Variants in XXYLT1 observed in about 807,000 individuals in gnomAD.
XXYLT1 encodes the protein UDP-xylose:alpha-xyloside alpha-1,3-xylosyltransferase.
Under a neutral mutation model 28.9 loss-of-function variants are expected in XXYLT1, and 20 were observed. That is an observed-to-expected ratio of 0.69 (90% confidence interval 0.49 to 1.00). XXYLT1 has a LOEUF of 1.00. XXYLT1 is among the 50% of genes least tolerant of loss of function. XXYLT1 has a pLI of 0.00. For missense variants in XXYLT1, 542 were observed against 560.1 expected, an observed-to-expected ratio of 0.97 and a Z score of 0.33; for synonymous variants, 257 against 253.8, an observed-to-expected ratio of 1.01 and a Z score of -0.12.
At position 195,168,864 on chromosome 3, in the gene XXYLT1, A is replaced by G. The variant is rs1414755965; in HGVS notation, c.653-12283T>C. ...TGAGTGACCAGCAGAAATGCAAGTT[A>G]GTCCCCATCCCCATCACAAAGTCTG... On this transcript the variant is annotated intron_variant, in intron 2 of 3. Transcript: ENST00000310380. The surrounding 1 kb of genome is among the most constrained non-coding windows in gnomAD (Gnocchi z 4.3). 2.0e-5 allele frequency among the ~76,000 whole-genome samples: 3 copies of G among 152,228 alleles called. No individual in the cohort carries two copies. The highest frequency in any genetic ancestry group is 2.0e-4 in the Admixed American group (3 of 15,280).
At position 195,077,668 on chromosome 3, in the gene XXYLT1, GC is replaced by G. The variant is rs1466652228; in HGVS notation, c.786-7558del. Among the ~76,000 whole-genome samples, 5 of 152,174 alleles carry G rather than the reference GC, an allele frequency of 3.3e-5. No homozygotes were observed. The highest frequency in any genetic ancestry group is 5.9e-5 in the Non-Finnish European group (4 of 68,014). ...GGCTGGACGTCGTAGGGGGTGAATG[GC>G]CCTGATGGCAAGGCCTCTGACCTGG... is the stretch of plus-strand genomic sequence containing the variant. On this transcript the variant is annotated intron_variant, in intron 3 of 3. Coordinates refer to ENST00000310380, the MANE Select transcript of XXYLT1 (RefSeq NM_152531.5). This position sits in a 1 kb window ranked among gnomAD's most constrained non-coding sequence, Gnocchi z 4.8.
chr3:195,154,650 C>T (rs1335028482), intron 3 of XXYLT1, among the ~76,000 whole-genome samples: 3 of 152,132 alleles, frequency 2.0e-5, no homozygotes, highest in Admixed American at 1.3e-4. Flanking sequence ...GGAGGAGTAA[C>T]GCAAACCCCA....
chr3:195,235,969 G>T (rs1237690852), intron 1 of XXYLT1, among the ~76,000 whole-genome samples: 1 of 151,724 alleles, frequency 6.6e-6, no homozygotes, highest in African/African-American at 2.4e-5. Flanking sequence ...TATACACCTG[G>T]CTGGGCTGCC....
intron 1 of XXYLT1, among the ~76,000 whole-genome samples, chr3:195,228,226 A>G (rs902010001): frequency 7.9e-5 from 12 of 152,150 alleles, no homozygotes; most frequent in South Asian, 4.2e-4. Flanking sequence ...CCAGCAGCAA[A>G]AGGCAAAGCC....
chr3:195,218,860 G>A (rs1408573915), intron 2 of XXYLT1, among the ~76,000 whole-genome samples: 7 of 151,982 alleles, frequency 4.6e-5, no homozygotes, highest in Non-Finnish European at 7.4e-5. Context: ...AAAGACACAC[G>A]CACCCGTATG....
chr3:195,102,380 G>A (rs1027942862), intron 3 of XXYLT1, among the ~76,000 whole-genome samples: 19 of 152,118 alleles, frequency 1.2e-4, no homozygotes, highest in African/African-American at 4.6e-4. Flanking sequence ...CTCTAGACCC[G>A]TTCATCCCAC....
At chr3:195,231,879 T>C (rs1303800545) in intron 1 of XXYLT1, among the ~76,000 whole-genome samples, 1 of 152,144 alleles carries the variant, frequency 6.6e-6, no homozygotes, top group East Asian at 1.9e-4. Context: ...GTCTGGTTTT[T>C]GGTATCAGGG....
chr3:195,160,804 G>A (rs867542368), intron 2 of XXYLT1, among the ~76,000 whole-genome samples: 1 of 152,338 alleles, frequency 6.6e-6, no homozygotes, highest in African/African-American at 2.4e-5. Context: ...GGTCCGCCCC[G>A]CGACGCACAG....
At position 195,257,766 on chromosome 3, in the gene XXYLT1, T is replaced by C. The variant is rs554798010; in HGVS notation, c.504+12789A>G. On this transcript the variant is annotated intron_variant, in intron 1 of 3. Coordinates refer to ENST00000310380, the MANE Select transcript of XXYLT1 (RefSeq NM_152531.5). This position sits in a 1 kb window ranked among gnomAD's most constrained non-coding sequence, Gnocchi z 4.3. ...TGCCCCCCTCTGCCCCATCTTCTGG[T>C]CATGACTCTCCTGCCAGGGACAGAA... Among the ~76,000 whole-genome samples the C allele has an allele frequency of 5.9e-5, 9 of 152,098 alleles. No homozygotes were observed. The highest frequency in any genetic ancestry group is 2.2e-4 in the African/African-American group (9 of 41,474).
chr3:195,241,238 A>G (rs1560169908), intron 1 of XXYLT1, among the ~76,000 whole-genome samples: 1 of 152,212 alleles, frequency 6.6e-6, no homozygotes, highest in African/African-American at 2.4e-5. Context: ...CACTTGGAGG[A>G]CAAGCAAACA....
intron 2 of XXYLT1, among the ~76,000 whole-genome samples, chr3:195,203,169 T>C (rs1298014189): frequency 1.3e-5 from 2 of 151,594 alleles, no homozygotes; most frequent in South Asian, 4.2e-4. Flanking sequence ...AAAAAAAAAA[T>C]GTTTTCAACG....
At chr3:195,121,544 C>T (rs1335384196) in intron 3 of XXYLT1, among the ~76,000 whole-genome samples, 1 of 152,212 alleles carries the variant, frequency 6.6e-6, no homozygotes. Flanking sequence ...ATGACGTTCT[C>T]ATCTTTTCTG....
intron 2 of XXYLT1, among the ~76,000 whole-genome samples, chr3:195,219,837 C>A (rs1370593513): frequency 6.6e-6 from 1 of 152,178 alleles, no homozygotes; most frequent in Non-Finnish European, 1.5e-5. Flanking sequence ...ATGGGGCCAC[C>A]CCAATTTGTT....
Position 195,133,021 on chromosome 3 carries a change from G to A in XXYLT1, c.785+23428C>T, listed in dbSNP as rs1339050136. Among the ~76,000 whole-genome samples, 2 of 152,196 alleles carry A rather than the reference G, an allele frequency of 1.3e-5. No individual in the cohort carries two copies. Among genetic ancestry groups the A allele is most frequent in the Non-Finnish European group, 2.9e-5 (2 of 68,030 alleles). ...ATTCTGTAAACTGAATCGTCCTGCT[G>A]AGTTCTAGTGAAACAAAAGCTTACA... On this transcript the variant is annotated intron_variant, in intron 3 of 3. Transcript: ENST00000310380. The surrounding 1 kb of genome is among the most constrained non-coding windows in gnomAD (Gnocchi z 4.4).
rs181093598 is a variant in XXYLT1, at chr3:195,169,608, A to G, written c.653-13027T>C. On this transcript the variant is annotated intron_variant, in intron 2 of 3. Transcript: ENST00000310380. Reference sequence around the variant, plus strand: ...TTATCAAGGCATCAAATGTATTCTCAGCTTAGGATATTTTTTATTTACGAT... The same window carrying G: ...TTATCAAGGCATCAAATGTATTCTCGGCTTAGGATATTTTTTATTTACGAT... 3.7e-3 allele frequency among the ~76,000 whole-genome samples: 567 copies of G among 152,248 alleles called. 5 individuals are homozygous for G. The highest frequency in any genetic ancestry group is 0.013 in the African/African-American group (553 of 41,536).
rs79483554 is a variant in XXYLT1 at position 195,210,351 on chromosome 3, T to G, written c.652+16358A>C. Among the ~76,000 whole-genome samples, 1 of 152,054 alleles carries G rather than the reference T, an allele frequency of 6.6e-6. No individual in the cohort carries two copies. Among genetic ancestry groups the G allele is most frequent in the Admixed American group, 6.5e-5 (1 of 15,270 alleles). On this transcript the variant is annotated intron_variant, in intron 2 of 3. Coordinates refer to ENST00000310380, the MANE Select transcript of XXYLT1 (RefSeq NM_152531.5). The surrounding 1 kb of genome is among the most constrained non-coding windows in gnomAD (Gnocchi z 4.8). ...TCCCTCCACCAACCGGAAGGTGAGC[T>G]CCCCAAGGGCAGGACTGCTGTCGTG...
chr3:195,191,656 T>C (rs1722423901), intron 2 of XXYLT1, among the ~76,000 whole-genome samples: 7 of 152,104 alleles, frequency 4.6e-5, no homozygotes, highest in Admixed American at 4.6e-4. Context: ...ACAGACAAGT[T>C]TAAAGTTTAA....
intron 2 of XXYLT1, among the ~76,000 whole-genome samples, chr3:195,205,160 A>G (rs1219814496): frequency 1.3e-5 from 2 of 152,264 alleles, no homozygotes; most frequent in Non-Finnish European, 2.9e-5. Flanking sequence ...AACTACCAAA[A>G]GACCCAGCTA....
chr3:195,095,067 G>A (rs904765469), intron 3 of XXYLT1, among the ~76,000 whole-genome samples: 4 of 152,200 alleles, frequency 2.6e-5, no homozygotes, highest in African/African-American at 4.8e-5. Context: ...TGATACCAAC[G>A]CTACTGGTCT....
Sources: allele counts gnomAD v4.1 joint callset (sites outside exome capture counted in the v4.1 genomes callset), GRCh38; gene constraint gnomAD v4.1.1; non-coding constraint Gnocchi (gnomAD v3.1); transcripts MANE v1.5; gene names NCBI Gene and HGNC (gene_info 2026-07-23, HGNC 2026-07-21).